Variants in ULK1 observed in about 807,000 individuals in gnomAD.
The protein encoded by ULK1 is serine/threonine-protein kinase ULK1.
ULK1 carries 48 observed loss-of-function variants against 117.5 expected under a neutral mutation model. The ratio of observed to expected loss-of-function variants is 0.41; its 90% confidence interval spans 0.32 to 0.52. The LOEUF (loss-of-function observed/expected upper bound fraction) is 0.52. Among genes scored for constraint, ULK1 ranks in the 20% least tolerant of loss-of-function variants. The pLI is 0.29. For synonymous variants in ULK1, 790 were observed against 637.8 expected, an observed-to-expected ratio of 1.24 and a Z score of -3.60; for missense variants, 1,387 against 1,473.4, an observed-to-expected ratio of 0.94 and a Z score of 0.96.
Position 131,902,813 on chromosome 12 carries a change from C to CT in ULK1, c.247-4078dup, listed in dbSNP as rs975908283. 1.5e-4 allele frequency among the ~76,000 whole-genome samples: 23 copies of CT among 152,272 alleles called. 1 individual carries two copies. The highest frequency in any genetic ancestry group is 5.3e-4 in the African/African-American group (22 of 41,554). ...TGTCTTGGGAGGCGAGCTGCTCTGCCTGGGGTGGCCGGTTTCCTCCCCTGG... is the reference window on the plus strand; with the variant it reads ...TGTCTTGGGAGGCGAGCTGCTCTGCCTTGGGGTGGCCGGTTTCCTCCCCTGG... On this transcript the variant is annotated intron_variant, in intron 3 of 27. Coordinates refer to ENST00000321867, the MANE Select transcript of ULK1 (RefSeq NM_003565.4). The surrounding 1 kb of genome is among the most constrained non-coding windows in gnomAD (Gnocchi z 6.3).
Position 131,895,603 on chromosome 12 carries a change from G to A in ULK1, c.114G>A (p.Lys38=). Residue 38 remains lysine, a splice_region_variant and synonymous_variant, in exon 2 of 28, where the codon AAG becomes AAA. Transcript: ENST00000321867. ...AVVFKGRHRE[K]HDLEVAVKCI... is the part of the protein sequence containing the mutation. ...GAAGGTGCACGTTTGGCTTTCAGAAGCACGATTTGGAGGTCGCCGTCAAGT... is the reference window on the plus strand; with the variant it reads ...GAAGGTGCACGTTTGGCTTTCAGAAACACGATTTGGAGGTCGCCGTCAAGT... 6.2e-7 allele frequency: 1 copy of A among 1,613,800 alleles called. No individual in the cohort carries two copies.
At position 131,915,080 on chromosome 12, in the gene ULK1, C is replaced by G. The variant is rs201115694; in HGVS notation, c.1374-3C>G. 6.5e-7 allele frequency: 1 copy of G among 1,539,082 alleles called. No individual in the cohort carries two copies. The highest frequency in any genetic ancestry group is 1.4e-5 in the African/African-American group (1 of 72,502). On this transcript the variant is annotated splice_polypyrimidine_tract_variant and splice_region_variant and intron_variant, in intron 16 of 27. Coordinates refer to ENST00000321867, the MANE Select transcript of ULK1 (RefSeq NM_003565.4). ...CCCCTCCTAATATCTGCCTTGTCTT[C>G]AGGTCCTCTGCCATCCGCAGGTCAG... is the stretch of plus-strand genomic sequence containing the variant.
Position 131,921,523 on chromosome 12 carries a change from G to A in ULK1, c.*162G>A, listed in dbSNP as rs575954416. On this transcript the variant is annotated 3_prime_UTR_variant, in exon 28 of 28. Coordinates refer to ENST00000321867, the MANE Select transcript of ULK1 (RefSeq NM_003565.4). ...GCCTGCCGGCCTCCCTGCAGCTCACGGGGCAGAACCAGCACATCTGGAGCC... is the reference window on the plus strand; with the variant it reads ...GCCTGCCGGCCTCCCTGCAGCTCACAGGGCAGAACCAGCACATCTGGAGCC... 1.3e-5 allele frequency: 14 copies of A among 1,042,646 alleles called. No individual in the cohort carries two copies. Among genetic ancestry groups the A allele is most frequent in the Admixed American group, 5.8e-5 (3 of 51,734 alleles). 64.6% of individuals were successfully genotyped at this position (1,042,646 alleles called of 1,614,324 possible). A position where few individuals can be genotyped will look rare whatever the true frequency, so the allele number is the denominator to read the frequency against.
At chr12:131,897,483 T>C (rs945593236) in intron 3 of ULK1, 2 of 151,944 alleles carry the variant, frequency 1.3e-5, no homozygotes, top group Non-Finnish European at 2.9e-5. Flanking sequence ...CCGGTGTCCT[T>C]CCCCGCCACA....
rs1348261931 is a variant in ULK1, at chr12:131,915,345, C to T, written c.1533C>T (p.Ile511=). ...TCTCTTTTCCCCAAGTTGGAACCAT[C>T]CCTGAGCGGCCAGGCTGGAGCGGGA... The part of the protein sequence containing the change: ...PYTPSPQVGT[I]PERPGWSGTP... Residue 511 remains isoleucine, a synonymous_variant, in exon 18 of 28, where the codon ATC becomes ATT. Coordinates refer to ENST00000321867, the MANE Select transcript of ULK1 (RefSeq NM_003565.4). 2.5e-6 allele frequency: 4 copies of T among 1,612,688 alleles called. No individual in the cohort carries two copies. Among genetic ancestry groups the T allele is most frequent in the Non-Finnish European group, 2.5e-6 (3 of 1,179,966 alleles).
At chr12:131,898,722 G>A (rs1190395219) in intron 3 of ULK1, among the ~76,000 whole-genome samples, 3 of 151,558 alleles carry the variant, frequency 2.0e-5, no homozygotes, top group African/African-American at 4.9e-5. Flanking sequence ...GCCTGGTCTC[G>A]AACTGACCTC....
rs530868439 is a variant in ULK1 at position 131,919,657 on chromosome 12, G to C, written c.2803+67G>C. 2.6e-6 allele frequency: 4 copies of C among 1,529,208 alleles called. No homozygotes were observed. The East Asian group carries it at 6.8e-5, about 26-fold the overall frequency. The allele number at this position is 1,529,208 out of a possible 1,614,324, so 94.7% of individuals were successfully genotyped here. ...GGAAGCCCACCTTGCAACTGCCTGG[G>C]TGACAGGGTAACAGGGAGGCTGCTT... On this transcript the variant is annotated intron_variant, in intron 25 of 27. Coordinates refer to ENST00000321867, the MANE Select transcript of ULK1 (RefSeq NM_003565.4).
Position 131,913,825 on chromosome 12 carries a change from C to A in ULK1, c.1236C>A (p.Pro412=), listed in dbSNP as rs140889701. ...CATCCCCACCCTGCAGCAGCTCCCCCAGTCCCTCAGGGTAAGCAGGGCCCC... is the reference window on the plus strand; with the variant it reads ...CATCCCCACCCTGCAGCAGCTCCCCAAGTCCCTCAGGGTAAGCAGGGCCCC... ...PSPSPPCSSS[P]SPSGRAGPFS... is the part of the protein sequence containing the mutation. The change falls in exon 15 of 28, where the codon CCC becomes CCA. Residue 412 remains proline, a synonymous_variant. Coordinates refer to ENST00000321867, the MANE Select transcript of ULK1 (RefSeq NM_003565.4). 1.3e-6 allele frequency: 2 copies of A among 1,552,536 alleles called. No individual in the cohort carries two copies. Among genetic ancestry groups the A allele is most frequent in the Non-Finnish European group, 1.7e-6 (2 of 1,149,212 alleles).
chr12:131,915,145 C>A lies in ULK1; in HGVS notation c.1436C>A (p.Ser479Ter). The A allele has an allele frequency of 6.2e-7, 1 of 1,606,152 alleles. No individual in the cohort carries two copies. The highest frequency in any genetic ancestry group is 8.5e-7 in the Non-Finnish European group (1 of 1,176,626). Residue 479 changes from serine (S) to a stop codon, truncating the protein, a stop_gained, in exon 17 of 28, where the codon TCG becomes TAG. Coordinates refer to ENST00000321867, the MANE Select transcript of ULK1 (RefSeq NM_003565.4). LOFTEE classifies it high-confidence loss of function. ...SPLGFARASP[S>*]PPAHAEHGGV... ...CTGGGCTTTGCAAGGGCCAGCCCCT[C>A]GCCCCCTGCCCACGCTGAGCATGGA...
At position 131,894,942 on chromosome 12, in the gene ULK1, CTGAGT is replaced by C; in HGVS notation, c.-59_-55del. The C allele has an allele frequency of 2.0e-5, 13 of 637,730 alleles. No individual in the cohort carries two copies. Among genetic ancestry groups the C allele is most frequent in the Non-Finnish European group, 2.6e-5 (13 of 509,682 alleles). 39.5% of individuals were successfully genotyped at this position (637,730 alleles called of 1,614,324 possible). A position where few individuals can be genotyped will look rare whatever the true frequency, so the allele number is the denominator to read the frequency against. The stretch of plus-strand genomic sequence containing the variant: ...CGCCCGCCCCGGCCCGCGCCTCCGC[CTGAGT>C]CCCCCGCGCCTTGGCCCGCCACCCC... On this transcript the variant is annotated 5_prime_UTR_variant, in exon 1 of 28. An upstream open reading frame in the 5' UTR loses its in-frame stop. Coordinates refer to ENST00000321867, the MANE Select transcript of ULK1 (RefSeq NM_003565.4).
At chr12:131,895,915 C>G in intron 3 of ULK1, 91 bp downstream of exon 3, 1 of 1,543,322 alleles carries the variant, frequency 6.5e-7, no homozygotes, top group Non-Finnish European at 8.9e-7. Flanking sequence ...GGTGTTGAGC[C>G]TGTCCAGGCT....
At position 131,910,773 on chromosome 12, in the gene ULK1, C is replaced by T; in HGVS notation, c.921C>T (p.Ser307=). The T allele has an allele frequency of 6.2e-7, 1 of 1,612,718 alleles. No individual in the cohort carries two copies. Among genetic ancestry groups the T allele is most frequent in the Non-Finnish European group, 8.5e-7 (1 of 1,179,902 alleles). ...GGTCCGGCAGCAGCTCCAGCAGCAG[C>T]TCCACCTCCCACCTGGCCTCCCCGC... The part of the protein sequence containing the change: ...SSGSGSSSSS[S]STSHLASPPS... The change falls in exon 12 of 28, where the codon AGC becomes AGT. Residue 307 remains serine, a synonymous_variant. Transcript: ENST00000321867.
intron 3 of ULK1, among the ~76,000 whole-genome samples, chr12:131,899,777 T>C (rs1052126246): frequency 7.9e-5 from 12 of 152,344 alleles, no homozygotes; most frequent in African/African-American, 2.2e-4. Flanking sequence ...AACATTTACC[T>C]GTGTGACATT....
intron 7 of ULK1, 36 bp downstream of exon 7, chr12:131,909,007 G>T (rs1057170606): frequency 6.2e-7 from 1 of 1,612,512 alleles, no homozygotes; most frequent in Non-Finnish European, 8.5e-7. Context: ...CCGGGTGGGC[G>T]CCTCTCTGGG....
intron 12 of ULK1, among the ~76,000 whole-genome samples, chr12:131,911,702 T>C (rs1593268001): frequency 6.6e-6 from 1 of 152,152 alleles, no homozygotes; most frequent in South Asian, 2.1e-4. Context: ...CCACCCAGGC[T>C]GCATGGTGAG....
At chr12:131,895,962 C>T (rs1888848937) in intron 3 of ULK1, 138 bp downstream of exon 3, 1 of 1,114,272 alleles carries the variant, frequency 9.0e-7, no homozygotes, top group South Asian at 1.3e-5. Context: ...CACCCTGGGT[C>T]CAGGCCTGGG....
rs978908642 is a variant in ULK1, at chr12:131,922,836, C to T, written c.*1475C>T. 1.3e-5 allele frequency: 2 copies of T among 152,530 alleles called. No individual in the cohort carries two copies. Among genetic ancestry groups the T allele is most frequent in the African/African-American group, 4.8e-5 (2 of 41,466 alleles). 9.4% of individuals were successfully genotyped at this position (152,530 alleles called of 1,614,324 possible). On this transcript the variant is annotated 3_prime_UTR_variant, in exon 28 of 28. Transcript: ENST00000321867. ...AAGAAAATCCCCGTGACTTCTTCCT[C>T]ATCACCTTGATGGCTTTATTCTCAC...
Position 131,918,735 on chromosome 12 carries a change from GTGTGGGGT to G in ULK1, c.2511+55_2511+62del. 6.1e-6 allele frequency: 9 copies of G among 1,484,610 alleles called. No individual in the cohort carries two copies. The East Asian group carries it at 1.0e-4, about 17-fold the overall frequency. The allele number at this position is 1,484,610 out of a possible 1,614,324, so 92.0% of individuals were successfully genotyped here. On this transcript the variant is annotated intron_variant, in intron 23 of 27. Coordinates refer to ENST00000321867, the MANE Select transcript of ULK1 (RefSeq NM_003565.4). ...ATTCTGGCTGGAGGGTGTGTGGGGT[GTGTGGGGT>G]GTCGGGTGTGTGGGGTATAGGGTGT...
rs535119942 is a variant in ULK1, at chr12:131,921,999, G to A, written c.*638G>A. The A allele has an allele frequency of 5.1e-5, 23 of 455,242 alleles. No homozygotes were observed. Among genetic ancestry groups the A allele is most frequent in the Non-Finnish European group, 8.4e-5 (19 of 225,976 alleles). 28.2% of individuals were successfully genotyped at this position (455,242 alleles called of 1,614,324 possible). A position where few individuals can be genotyped will look rare whatever the true frequency, so the allele number is the denominator to read the frequency against. On this transcript the variant is annotated 3_prime_UTR_variant, in exon 28 of 28. Transcript: ENST00000321867. ...TTGCTGCCCAGGTCTGGACCTCAGC[G>A]GGAGAACTGGCTCCGGGGGGAGTGG...
Sources: allele counts gnomAD v4.1 joint callset (sites outside exome capture counted in the v4.1 genomes callset), GRCh38; gene constraint gnomAD v4.1.1; non-coding constraint Gnocchi (gnomAD v3.1); transcripts MANE v1.5; gene names NCBI Gene and HGNC (gene_info 2026-07-23, HGNC 2026-07-21).